The following PIEZO1 variants were observed in gnomAD, a reference collection of about 807,000 sequenced individuals.
The protein encoded by PIEZO1 is piezo type mechanosensitive ion channel component 1 (Er blood group).
PIEZO1 carries 296 observed loss-of-function variants against 297.2 expected under a neutral mutation model. The ratio of observed to expected loss-of-function variants is 1.00; its 90% CI spans 0.91 to 1.10. The LOEUF is 1.10. Among genes scored for constraint, PIEZO1 ranks in the 50% least tolerant of loss-of-function variants. The pLI, the probability that PIEZO1 is intolerant of heterozygous loss-of-function variation, is 0.00. For missense variants in PIEZO1, 5,018 were observed against 3,455.5 expected (o/e 1.45, Z -11.34); for synonymous variants, 2,427 against 1,507.5 (o/e 1.61, Z -14.13).
intron 44 of PIEZO1, chr16:88,718,912 T>C (rs1912235180): frequency 6.5e-6 from 1 of 154,414 alleles, no homozygotes; most frequent in Admixed American, 6.5e-5. Context: ...ACTCACTATG[T>C]TGCCCAGGCT....
In PIEZO1 at chr16:88,734,405, T is replaced by C. The variant is rs1326158872; in HGVS notation, c.2131A>G (p.Met711Val). ...GTGCCAGGCAGGGACACGTGCTCCATGTCGGTGAGCTGCATGAAGGGCCTG... is the reference window on the plus strand; with the variant it reads ...GTGCCAGGCAGGGACACGTGCTCCACGTCGGTGAGCTGCATGAAGGGCCTG... ...FHRPFMQLTD[M>V]EHVSLPGTRL... Residue 711 changes from methionine (M) to valine (V), a missense_variant, in exon 16 of 51, where the codon ATG becomes GTG. By Grantham distance (21) the Met-to-Val change is conservative. Transcript: ENST00000301015. The C allele has an allele frequency of 3.9e-6, 6 of 1,549,216 alleles. No individual in the cohort carries two copies. The highest frequency in any genetic ancestry group is 4.4e-6 in the Non-Finnish European group (5 of 1,146,368).
Position 88,741,564 on chromosome 16 carries a change from C to T in PIEZO1, c.379G>A (p.Gly127Ser). Residue 127 changes from glycine (G) to serine (S), a missense_variant, in exon 5 of 51, where the codon GGC becomes AGC. Gly to Ser is a moderately conservative substitution (Grantham distance 56). Coordinates refer to ENST00000301015, the MANE Select transcript of PIEZO1 (RefSeq NM_001142864.4). ...CAGACAGAGGAGACCACCAAGATGC[C>T]CAGGTCAGGGGCCACCAGCCGGATG... ...NAIRLVAPDL[G>S]ILVVSSVCLG... 6.5e-7 allele frequency: 1 copy of T among 1,535,764 alleles called. No individual in the cohort carries two copies.
At chr16:88,778,709 C>G (rs953658138) in intron 1 of PIEZO1, among the ~76,000 whole-genome samples, 2 of 152,200 alleles carry the variant, frequency 1.3e-5, no homozygotes, top group Admixed American at 1.3e-4. Context: ...GTCCCTGCAA[C>G]CCAGCGTCCA....
At position 88,719,552 on chromosome 16, in the gene PIEZO1, C is replaced by T. The variant is rs1398673300; in HGVS notation, c.6471+22G>A. The T allele has an allele frequency of 5.2e-6, 8 of 1,546,504 alleles. No homozygotes were observed. In the South Asian group the frequency reaches 6.0e-5, roughly 12 times the overall value. On this transcript the variant is annotated intron_variant, in intron 44 of 50. Transcript: ENST00000301015. ...GGCATATCCCTGGCCCTTGTCCCGG[C>T]CCCCGCCCTGGGCCCAGGCACCTTC... is the stretch of plus-strand genomic sequence containing the variant.
intron 1 of PIEZO1, among the ~76,000 whole-genome samples, chr16:88,775,726 C>CA (rs3052234): frequency 0.3 from 29,847 of 98,454 alleles, 4,368 homozygotes; most frequent in Middle Eastern, 0.48. Flanking sequence ...AAGACGCTGT[C>CA]AAAAAAAAAA....
In PIEZO1 at chr16:88,737,578, G is replaced by C. The variant is rs950112324; in HGVS notation, c.1176C>G (p.Ser392Arg). The C allele has an allele frequency of 1.3e-6, 2 of 1,533,884 alleles. No homozygotes were observed. The highest frequency in any genetic ancestry group is 1.4e-5 in the African/African-American group (1 of 72,974). Reference protein sequence around the residue: ...NCIVHELTGQSSVLRRPVRPK... With the variant: ...NCIVHELTGQRSVLRRPVRPK... ...ACTCACCAGGCCGCCGCAGGACGGAGCTCTGGCCGGTCAGCTCGTGCACGA... is the reference window on the plus strand; with the variant it reads ...ACTCACCAGGCCGCCGCAGGACGGACCTCTGGCCGGTCAGCTCGTGCACGA... The change falls in exon 10 of 51, where the codon AGC becomes AGG. Residue 392 changes from serine (S) to arginine (R), a missense_variant. Ser to Arg is a moderately radical substitution (Grantham distance 110). Coordinates refer to ENST00000301015, the MANE Select transcript of PIEZO1 (RefSeq NM_001142864.4).
At chr16:88,722,114 C>G (rs775348123) in intron 36 of PIEZO1, 48 bp from the exon 37 acceptor site, 1 of 1,527,530 alleles carries the variant, frequency 6.5e-7, no homozygotes. Context: ...TGCCCGAAGG[C>G]ATGACGGCCC....
At chr16:88,728,453 G>C (rs988937219) in intron 22 of PIEZO1, among the ~76,000 whole-genome samples, 1 of 150,078 alleles carries the variant, frequency 6.7e-6, no homozygotes. Flanking sequence ...TGCCACAGAG[G>C]GAACCTCGCG....
rs1912302214 is a variant in PIEZO1, at chr16:88,719,838, T to C, written c.6287A>G (p.Lys2096Arg). The stretch of plus-strand genomic sequence containing the variant: ...GAAGAGGTTGAGATGATTGTACTTC[T>C]TGGTGAGGAAGTTGCCGAGGATGCG... ...PTRILGNFLT[K>R]KYNHLNLFLF... Residue 2096 changes from lysine to arginine, a missense_variant, in exon 43 of 51, where the codon AAG (lysine) becomes AGG (arginine). Lys to Arg is a conservative substitution (Grantham distance 26). Transcript: ENST00000301015. 3 of 1,550,550 alleles carry C rather than the reference T, an allele frequency of 1.9e-6. No homozygotes were observed. In the South Asian group the frequency reaches 3.6e-5, roughly 18 times the overall value.
chr16:88,720,288 G>A lies in PIEZO1; in HGVS notation c.5950-5C>T. The A allele has an allele frequency of 6.5e-7, 1 of 1,550,304 alleles. No individual in the cohort carries two copies. The highest frequency in any genetic ancestry group is 1.2e-5 in the South Asian group (1 of 84,060). ...GTCTGTGGCCGCCGAGTGCTTCTGT[G>A]GCCAGGAGAGCACAGGTCAGGGGGA... On this transcript the variant is annotated splice_polypyrimidine_tract_variant and splice_region_variant and intron_variant, in intron 41 of 50. Transcript: ENST00000301015.
chr16:88,759,008 A>G (rs1292021043), intron 1 of PIEZO1, among the ~76,000 whole-genome samples: 1 of 152,272 alleles, frequency 6.6e-6, no homozygotes, highest in Non-Finnish European at 1.5e-5. Context: ...CTGCTCCTGC[A>G]GAAGAGGTCC....
At chr16:88,723,553 G>A (rs1394220917) in intron 31 of PIEZO1, among the ~76,000 whole-genome samples, 1 of 152,222 alleles carries the variant, frequency 6.6e-6, no homozygotes, top group Non-Finnish European at 1.5e-5. Flanking sequence ...AGAGCCAGGG[G>A]CCCAAAGATG....
intron 1 of PIEZO1, among the ~76,000 whole-genome samples, chr16:88,769,805 G>A (rs1386288997): frequency 1.3e-5 from 2 of 152,160 alleles, no homozygotes; most frequent in African/African-American, 4.8e-5. Context: ...GGTGGGCGGG[G>A]CCAGGACGAG....
intron 1 of PIEZO1, among the ~76,000 whole-genome samples, chr16:88,764,608 G>A (rs923066777): frequency 5.9e-5 from 9 of 151,816 alleles, no homozygotes; most frequent in South Asian, 4.2e-4. Flanking sequence ...AAAATTAGCC[G>A]GGCATGGTGG....
intron 1 of PIEZO1, among the ~76,000 whole-genome samples, chr16:88,757,020 G>A (rs1028975073): frequency 2.0e-5 from 3 of 152,102 alleles, no homozygotes; most frequent in Non-Finnish European, 2.9e-5. Flanking sequence ...AGCTTGCAGT[G>A]AGCCGAGATC....
At chr16:88,781,457 C>CA (rs1337094841) in intron 1 of PIEZO1, among the ~76,000 whole-genome samples, 1 of 152,250 alleles carries the variant, frequency 6.6e-6, no homozygotes, top group Non-Finnish European at 1.5e-5. Context: ...CTCACACCTG[C>CA]AGCCCTTGGT....
intron 2 of PIEZO1, among the ~76,000 whole-genome samples, chr16:88,748,623 G>A (rs1187324685): frequency 1.3e-5 from 2 of 152,146 alleles, no homozygotes; most frequent in African/African-American, 4.8e-5. Context: ...CCTGGAGCCT[G>A]CAGAGAGTGG....
At chr16:88,723,595 G>T (rs1904300803) in intron 31 of PIEZO1, among the ~76,000 whole-genome samples, 1 of 152,256 alleles carries the variant, frequency 6.6e-6, no homozygotes, top group African/African-American at 2.4e-5. Flanking sequence ...CAGCACAAAG[G>T]TGTTGGGCCG....
chr16:88,769,146 G>A (rs186351803), intron 1 of PIEZO1, among the ~76,000 whole-genome samples: 2 of 152,328 alleles, frequency 1.3e-5, no homozygotes, highest in African/African-American at 4.8e-5. Flanking sequence ...GGTATCTTGG[G>A]GATGGGACTC....
Sources: gnomAD v4.1 joint callset for allele counts (sites outside exome capture counted in the v4.1 genomes callset) on GRCh38, gnomAD v4.1.1 for gene constraint, MANE v1.5 for transcripts, NCBI Gene and HGNC (gene_info 2026-07-23, HGNC 2026-07-21) for gene names.